Variants in NRSN1 observed in about 807,000 individuals in gnomAD.
NRSN1 encodes neurensin 1, also known as neurensin-1.
Under a neutral mutation model 17.3 loss-of-function variants are expected in NRSN1, and 14 were observed. The ratio of observed to expected loss-of-function variants is 0.81; its 90% CI spans 0.54 to 1.27. The LOEUF is 1.27. Ranked by LOEUF, NRSN1 falls within the 50% of genes most tolerant of loss-of-function variation. The pLI is 0.00. For synonymous variants in NRSN1, 79 were observed against 94.2 expected, an observed-to-expected ratio of 0.84 and a Z score of 0.93; for missense variants, 209 against 235.9, an observed-to-expected ratio of 0.89 and a Z score of 0.75.
At position 24,139,013 on chromosome 6, in the gene NRSN1, C is replaced by T. The variant is rs144065563; in HGVS notation, c.189+4497C>T. On this transcript the variant is annotated intron_variant, in intron 3 of 3. Transcript: ENST00000378491. ...ATTCTTTCAGCAATTTTCAAGAACA[C>T]AATACAGTCTTATGGACTATAGTCA... Among the ~76,000 whole-genome samples, 267 of 152,228 alleles carry T rather than the reference C, an allele frequency of 1.8e-3. 1 individual carries two copies. The highest frequency in any genetic ancestry group is 6.0e-3 in the African/African-American group (249 of 41,534).
chr6:24,143,198 G>A lies in NRSN1; in HGVS notation c.190-2350G>A, dbSNP rs529002825. On this transcript the variant is annotated intron_variant, in intron 3 of 3. Coordinates refer to ENST00000378491, the MANE Select transcript of NRSN1 (RefSeq NM_080723.5). ...CCCCACCCGACCCAGAAGCCCAGCC[G>A]GCTTCACCTCTCAGTCTCAAACTCC... Among the ~76,000 whole-genome samples the A allele has an allele frequency of 5.3e-5, 8 of 152,178 alleles. No individual in the cohort carries two copies. In the East Asian group the frequency reaches 5.8e-4, roughly 11 times the overall value.
rs1760287266 is a variant in NRSN1, at chr6:24,145,451, C to T, written c.190-97C>T. 2 of 884,392 alleles carry T rather than the reference C, an allele frequency of 2.3e-6. No individual in the cohort carries two copies. Among genetic ancestry groups the T allele is most frequent in the Admixed American group, 2.8e-5 (1 of 35,120 alleles). The allele number at this position is 884,392 out of a possible 1,614,324, so 54.8% of individuals were successfully genotyped here. The stretch of plus-strand genomic sequence containing the variant: ...TTGGGGTAACTGGGAATATTCATTT[C>T]TCTCAAGAAACAAGACAAGTGCTGC... On this transcript the variant is annotated intron_variant, in intron 3 of 3. Transcript: ENST00000378491. The surrounding 1 kb of genome is among the most constrained non-coding windows in gnomAD (Gnocchi z 4.4).
intron 3 of NRSN1, chr6:24,140,895 CTTTCCTTTCCAAT>C (rs1240381774): frequency 3.8e-6 from 5 of 1,308,706 alleles, no homozygotes; most frequent in Admixed American, 3.8e-5. Context: ...AATAAGTTCT[CTTTCCTTTCCAAT>C]TTTCCTTTCC....
intron 2 of NRSN1, among the ~76,000 whole-genome samples, chr6:24,128,522 C>G (rs1001817627): frequency 3.3e-5 from 5 of 152,218 alleles, no homozygotes; most frequent in African/African-American, 1.2e-4. Context: ...TTGGTAGGAA[C>G]ACGGTTCAGG....
intron 2 of NRSN1, 56 bp from the exon 3 acceptor site, chr6:24,134,263 T>C: frequency 7.0e-7 from 1 of 1,431,920 alleles, no homozygotes; most frequent in Non-Finnish European, 9.7e-7. Flanking sequence ...TCATATGTCT[T>C]TTGATCCTGT....
intron 3 of NRSN1, among the ~76,000 whole-genome samples, chr6:24,137,854 A>G (rs1760141162): frequency 6.6e-6 from 1 of 151,990 alleles, no homozygotes; most frequent in Non-Finnish European, 1.5e-5. Context: ...AAATGGCTCC[A>G]AGAGGAGGTC....
intron 3 of NRSN1, among the ~76,000 whole-genome samples, chr6:24,135,156 A>G (rs1291180691): frequency 1.3e-5 from 2 of 152,216 alleles, no homozygotes; most frequent in Non-Finnish European, 2.9e-5. Flanking sequence ...GGAGCTTACA[A>G]TCTATCATGG....
intron 3 of NRSN1, among the ~76,000 whole-genome samples, chr6:24,144,682 T>C (rs535189070): frequency 9.0e-4 from 137 of 152,272 alleles, no homozygotes; most frequent in Admixed American, 2.5e-3. Flanking sequence ...TCGTATTTTG[T>C]GGTTTTTACA....
intron 3 of NRSN1, chr6:24,140,920 G>A: frequency 1.5e-6 from 2 of 1,301,730 alleles, no homozygotes; most frequent in Non-Finnish European, 2.0e-6. Flanking sequence ...TTCCTTTCCA[G>A]CAGCAGGAAC....
At chr6:24,138,870 A>G (rs1397035577) in intron 3 of NRSN1, among the ~76,000 whole-genome samples, 1 of 152,230 alleles carries the variant, frequency 6.6e-6, no homozygotes, top group East Asian at 1.9e-4. Flanking sequence ...TAAATATTGT[A>G]TATATTTGTC....
intron 2 of NRSN1, chr6:24,129,285 A>T (rs1456236597): frequency 6.6e-6 from 1 of 152,170 alleles, no homozygotes; most frequent in Non-Finnish European, 1.5e-5. Context: ...TCATCTTCAC[A>T]ACTATTATTT....
At chr6:24,141,077 C>A in intron 3 of NRSN1, 1 of 1,424,324 alleles carries the variant, frequency 7.0e-7, no homozygotes. Flanking sequence ...CCCTAAGGCC[C>A]CAGGTTGCTC....
In NRSN1 at chr6:24,134,334, T is replaced by C; in HGVS notation, c.7T>C (p.Ser3Pro). ...GTCATTCCAGCTGGGAAGGATGAGT[T>C]CTTGCAGCAACGTCTGTGGGTCCAG... MS[S>P]CSNVCGSRQA... The change falls in exon 3 of 4, where the codon TCT (serine) becomes CCT (proline). Residue 3 changes from serine to proline, a missense_variant. By Grantham distance (74) the Ser-to-Pro change is moderately conservative (BLOSUM62 -1). Coordinates refer to ENST00000378491, the MANE Select transcript of NRSN1 (RefSeq NM_080723.5). The C allele has an allele frequency of 6.2e-7, 1 of 1,613,894 alleles. No individual in the cohort carries two copies. Among genetic ancestry groups the C allele is most frequent in the Non-Finnish European group, 8.5e-7 (1 of 1,179,910 alleles).
At chr6:24,139,914 C>A (rs749894911) in intron 3 of NRSN1, among the ~76,000 whole-genome samples, 31 of 152,156 alleles carry the variant, frequency 2.0e-4, no homozygotes, top group Admixed American at 3.9e-4. Flanking sequence ...CAGAGAGTGA[C>A]CCTGTCTCTA....
In NRSN1 at chr6:24,128,125, T is replaced by C. The variant is rs1186932140; in HGVS notation, c.-82-3T>C. 1.3e-5 allele frequency: 2 copies of C among 152,132 alleles called. No homozygotes were observed. Among genetic ancestry groups the C allele is most frequent in the Admixed American group, 1.3e-4 (2 of 15,278 alleles). The allele number at this position is 152,132 out of a possible 1,614,324, so 9.4% of individuals were successfully genotyped here. On this transcript the variant is annotated splice_polypyrimidine_tract_variant and splice_region_variant and intron_variant, in intron 1 of 3. Coordinates refer to ENST00000378491, the MANE Select transcript of NRSN1 (RefSeq NM_080723.5). ...ATTCTGCAGAGACTTTTTTCTTAAA[T>C]AGGATTGAAGAATGCGCCATTAAAA...
chr6:24,146,933 T>C lies in NRSN1; in HGVS notation c.*987T>C, dbSNP rs1341620503. ...AATGGGAGTTCTGGATCACAATATGTCTGGGCTCTCATTACCCAAACATCT... is the reference window on the plus strand; with the variant it reads ...AATGGGAGTTCTGGATCACAATATGCCTGGGCTCTCATTACCCAAACATCT... On this transcript the variant is annotated 3_prime_UTR_variant, in exon 4 of 4. Coordinates refer to ENST00000378491, the MANE Select transcript of NRSN1 (RefSeq NM_080723.5). The C allele has an allele frequency of 1.3e-5, 2 of 152,172 alleles. No individual in the cohort carries two copies. The highest frequency in any genetic ancestry group is 2.9e-5 in the Non-Finnish European group (2 of 68,046). 9.4% of individuals were successfully genotyped at this position (152,172 alleles called of 1,614,324 possible). A position where few individuals can be genotyped will look rare whatever the true frequency, so the allele number is the denominator to read the frequency against.
intron 3 of NRSN1, among the ~76,000 whole-genome samples, chr6:24,141,979 T>C (rs1419297898): frequency 6.6e-6 from 1 of 152,192 alleles, no homozygotes; most frequent in Non-Finnish European, 1.5e-5. Flanking sequence ...TTTAGTGACA[T>C]AGGAAGCATG....
chr6:24,131,442 T>G (rs1364130819), intron 2 of NRSN1, among the ~76,000 whole-genome samples: 1 of 152,234 alleles, frequency 6.6e-6, no homozygotes, highest in East Asian at 1.9e-4. Flanking sequence ...CTTTTTCATG[T>G]TAAAGTCTCT....
chr6:24,141,010 G>A (rs1310875537), intron 3 of NRSN1: 3 of 1,470,194 alleles, frequency 2.0e-6, no homozygotes, highest in African/African-American at 2.9e-5. Flanking sequence ...GCTGTTTCGG[G>A]AGTTTGTCAC....
Sources: allele counts gnomAD v4.1 joint callset (sites outside exome capture counted in the v4.1 genomes callset), GRCh38; gene constraint gnomAD v4.1.1; non-coding constraint Gnocchi (gnomAD v3.1); transcripts MANE v1.5; gene names NCBI Gene and HGNC (gene_info 2026-07-23, HGNC 2026-07-21).